LONRF1: variants seen among roughly 807,000 people sequenced by gnomAD.
LONRF1 encodes the protein LON peptidase N-terminal domain and ring finger 1.
In LONRF1, 37 loss-of-function variants were observed where a neutral mutation model predicts 85.8. That is an observed-to-expected ratio of 0.43 (90% CI 0.33 to 0.57). The LOEUF (loss-of-function observed/expected upper bound fraction) is 0.57, where lower values mean the gene tolerates loss of function less well. Ranked by LOEUF, LONRF1 falls within the 20% of genes least tolerant of loss-of-function variation. LONRF1 has a pLI of 0.04. For synonymous variants in LONRF1, 517 were observed against 390.1 expected, an observed-to-expected ratio of 1.33 and a Z score of -3.83; for missense variants, 1,036 against 978.0, an observed-to-expected ratio of 1.06 and a Z score of -0.79.
intron 1 of LONRF1, chr8:12,754,012 G>C (rs112516863): frequency 6.6e-6 from 1 of 152,428 alleles, no homozygotes; most frequent in East Asian, 1.9e-4. Context: ...TTTCCAGGTA[G>C]CAAGGGACCA....
At chr8:12,751,435 C>T (rs151202307) in intron 1 of LONRF1, among the ~76,000 whole-genome samples, 2 of 149,686 alleles carry the variant, frequency 1.3e-5, no homozygotes, top group African/African-American at 4.9e-5. Context: ...TCTGGAGTAG[C>T]GGGAACTACA....
At position 12,738,026 on chromosome 8, in the gene LONRF1, G is replaced by A; in HGVS notation, c.1082C>T (p.Ser361Phe). ...PFDFHSVMEE[S>F]QSLNEPSPKQ... ...TGGGCTAGGTTCATTGAGAGACTGA[G>A]ACTCTTCCATCACTGAATGAAAATC... Residue 361 changes from serine (S) to phenylalanine (F), a missense_variant, in exon 4 of 12, where the codon TCT becomes TTT. Around this residue, in one of 3 missense-constraint regions of LONRF1, gnomAD observed 742 missense variants for 614.4 expected, o/e 1.21. Coordinates refer to ENST00000398246, the MANE Select transcript of LONRF1 (RefSeq NM_152271.5). 1 of 1,610,224 alleles carries A rather than the reference G, an allele frequency of 6.2e-7. No individual in the cohort carries two copies. The highest frequency in any genetic ancestry group is 8.5e-7 in the Non-Finnish European group (1 of 1,178,428).
chr8:12,752,006 G>T (rs1384339002), intron 1 of LONRF1, among the ~76,000 whole-genome samples: 2 of 152,094 alleles, frequency 1.3e-5, no homozygotes, highest in African/African-American at 4.8e-5. Flanking sequence ...AATCTAAATG[G>T]GAAACTTCTG....
chr8:12,736,630 C>CTA, intron 6 of LONRF1, 71 bp downstream of exon 6: 1 of 1,033,472 alleles, frequency 9.7e-7, no homozygotes, highest in East Asian at 2.5e-5. Flanking sequence ...TCTATTATTA[C>CTA]CTTTATCTAC....
At chr8:12,752,765 G>A (rs1018556777) in intron 1 of LONRF1, among the ~76,000 whole-genome samples, 1 of 152,142 alleles carries the variant, frequency 6.6e-6, no homozygotes, top group Non-Finnish European at 1.5e-5. Context: ...TTCTTCCATG[G>A]ACCAGGACCT....
chr8:12,735,244 C>T, intron 7 of LONRF1, 42 bp downstream of exon 7: 2 of 1,358,986 alleles, frequency 1.5e-6, no homozygotes, highest in South Asian at 1.2e-5. Flanking sequence ...ACCATGCTGC[C>T]AAACTTAAGA....
chr8:12,745,607 T>A (rs1302309697), intron 1 of LONRF1, among the ~76,000 whole-genome samples: 1 of 152,134 alleles, frequency 6.6e-6, no homozygotes, highest in African/African-American at 2.4e-5. Flanking sequence ...TACAGACGAG[T>A]CACCTCACTG....
At chr8:12,741,144 G>C in intron 2 of LONRF1, 148 bp from the exon 3 acceptor site, 4 of 767,560 alleles carry the variant, frequency 5.2e-6, no homozygotes, top group South Asian at 3.5e-5. Flanking sequence ...AGCACTTTGG[G>C]AGGCTGACAA....
chr8:12,725,610 G>C (rs940922940), intron 11 of LONRF1, 117 bp downstream of exon 11: 2 of 959,608 alleles, frequency 2.1e-6, no homozygotes, highest in East Asian at 2.5e-5. Context: ...TGGTGCGGGG[G>C]AGGGGACAGT....
chr8:12,728,383 T>C (rs1798400744), intron 10 of LONRF1, among the ~76,000 whole-genome samples: 1 of 152,202 alleles, frequency 6.6e-6, no homozygotes, highest in Non-Finnish European at 1.5e-5. Flanking sequence ...AGCATTCAAC[T>C]CTATTTTATC....
chr8:12,751,294 A>ATTTTTTTTTGTT (rs1554469328), intron 1 of LONRF1, among the ~76,000 whole-genome samples: 14 of 84,818 alleles, frequency 1.7e-4, no homozygotes, highest in African/African-American at 5.8e-4. Flanking sequence ...TTTTATTTTT[A>ATTTTTTTTTGTT]TGTTTTTTTT....
chr8:12,752,396 T>C (rs1021056408), intron 1 of LONRF1, among the ~76,000 whole-genome samples: 4 of 152,228 alleles, frequency 2.6e-5, no homozygotes, highest in African/African-American at 7.2e-5. Context: ...ATTTTTTTCC[T>C]GTTAGTTCAC....
Position 12,754,951 on chromosome 8 carries a change from A to T in LONRF1, c.470T>A (p.Leu157His). ...GGCGGGCGGCAGCCGGTCCCGGCAG[A>T]GGCGGCAGCGGGCGCGGAGTTCCCT... ...LRRELRARCR[L>H]CRDRLPPATA... Residue 157 changes from leucine (L) to histidine (H), a missense_variant, in exon 1 of 12, where the codon CTC becomes CAC. By Grantham distance (99) the Leu-to-His change is moderately conservative. This residue lies in a region of LONRF1 where 742 missense variants were observed against 614.4 expected (regional missense o/e 1.21). Transcript: ENST00000398246. The T allele has an allele frequency of 4.7e-6, 7 of 1,490,648 alleles. No homozygotes were observed. The highest frequency in any genetic ancestry group is 6.2e-6 in the Non-Finnish European group (7 of 1,125,326). The allele number at this position is 1,490,648 out of a possible 1,614,324, so 92.3% of individuals were successfully genotyped here.
Position 12,737,062 on chromosome 8 carries a change from A to T in LONRF1, c.1192T>A (p.Ser398Thr). Residue 398 changes from serine to threonine, a missense_variant, in exon 5 of 12, where the codon TCA becomes ACA. Transcript: ENST00000398246. ...NRAQSAQSIN[S>T]TEMPAREDCL... ...TCCTCTCTGGCAGGCATTTCTGTTG[A>T]ATTTATAGACTGTGCTGACTGAGCA... 1 of 1,613,608 alleles carries T rather than the reference A, an allele frequency of 6.2e-7. No homozygotes were observed. The highest frequency in any genetic ancestry group is 8.5e-7 in the Non-Finnish European group (1 of 1,179,692).
At chr8:12,742,022 A>G (rs1798951492) in intron 2 of LONRF1, among the ~76,000 whole-genome samples, 1 of 152,342 alleles carries the variant, frequency 6.6e-6, no homozygotes, top group African/African-American at 2.4e-5. Context: ...AGAGGAGCCT[A>G]AAGAACGTTC....
At chr8:12,737,546 G>A (rs529246470) in intron 4 of LONRF1, among the ~76,000 whole-genome samples, 2 of 152,164 alleles carry the variant, frequency 1.3e-5, no homozygotes, top group East Asian at 3.9e-4. Context: ...CAAATACTGT[G>A]CCATTTTATT....
Position 12,723,162 on chromosome 8 carries a change from A to G in LONRF1, c.2256T>C (p.Ser752=). The G allele has an allele frequency of 6.2e-7, 1 of 1,614,162 alleles. No homozygotes were observed. The highest frequency in any genetic ancestry group is 8.5e-7 in the Non-Finnish European group (1 of 1,179,996). ...RYQLSVLSMK[S]LKERLTKIQH... is the part of the protein sequence containing the mutation. ...GTATCTTGGTCAACCGTTCTTTCAAAGACTTCATTGACAAAACCGACAGCT... is the reference window on the plus strand; with the variant it reads ...GTATCTTGGTCAACCGTTCTTTCAAGGACTTCATTGACAAAACCGACAGCT... Residue 752 remains serine (S), a synonymous_variant, in exon 12 of 12, where the codon TCT becomes TCC. Transcript: ENST00000398246.
intron 1 of LONRF1, among the ~76,000 whole-genome samples, chr8:12,749,195 C>G (rs1332931445): frequency 1.3e-5 from 2 of 152,112 alleles, no homozygotes; most frequent in African/African-American, 4.8e-5. Flanking sequence ...TAGATTAACC[C>G]TTGATACAAG....
intron 6 of LONRF1, 67 bp from the exon 7 acceptor site, chr8:12,735,467 T>C (rs932980600): frequency 1.0e-6 from 1 of 999,732 alleles, no homozygotes; most frequent in Non-Finnish European, 1.5e-6. Flanking sequence ...TGTACTACTT[T>C]AGAACCATAA....
Sources: gnomAD v4.1 joint callset for allele counts (sites outside exome capture counted in the v4.1 genomes callset) on GRCh38, gnomAD v4.1.1 for gene constraint, gnomAD v4.1.1 regional missense constraint, MANE v1.5 for transcripts, NCBI Gene and HGNC (gene_info 2026-07-23, HGNC 2026-07-21) for gene names.